The following CAPN6 variants were observed in gnomAD, a reference collection of about 807,000 sequenced individuals.
CAPN6 encodes calpain 6, also known as calpain-6.
In CAPN6, 16 loss-of-function variants were observed where a neutral mutation model predicts 46.0. The ratio of observed to expected loss-of-function variants is 0.35; its 90% CI spans 0.24 to 0.53. CAPN6 has a LOEUF of 0.53. Among genes scored for constraint, CAPN6 ranks in the 20% least tolerant of loss-of-function variants. The pLI is 0.94. For synonymous variants in CAPN6, 206 were observed against 172.8 expected (o/e 1.19, Z -1.51); for missense variants, 461 against 498.0 (o/e 0.93, Z 0.71).
rs1023858527 is a variant in CAPN6 at position 111,248,579 on chromosome X, C to G, written c.1474G>C (p.Val492Leu). ...CGAAGGAAACTGAACCTGAGCTGGACAGGCACTTCAGAGAAGATTCTCAGG... is the reference window on the plus strand; with the variant it reads ...CGAAGGAAACTGAACCTGAGCTGGAGAGGCACTTCAGAGAAGATTCTCAGG... ...FLLRIFSEVP[V>L]QLRELTLDMP... Residue 492 changes from valine (V) to leucine (L), a missense_variant, in exon 10 of 13, where the codon GTC becomes CTC. Transcript: ENST00000324068. 1.9e-5 allele frequency: 23 copies of G among 1,204,575 alleles called. 1 individual carries two copies. The Admixed American group carries it at 3.9e-4, about 21-fold the overall frequency.
intron 2 of CAPN6, among the ~76,000 whole-genome samples, chrX:111,255,933 C>A (rs2094983368): frequency 2.7e-5 from 3 of 111,598 alleles, no homozygotes. Flanking sequence ...TTATGGGCTG[C>A]AAACTGCCTT....
chrX:111,251,093 C>A lies in CAPN6; in HGVS notation c.982G>T (p.Glu328Ter). 7 of 1,210,605 alleles carry A rather than the reference C, an allele frequency of 5.8e-6. No homozygotes were observed. Among genetic ancestry groups the A allele is most frequent in the Non-Finnish European group, 7.8e-6 (7 of 895,173 alleles). ...TTGTGAAAGTTGCGGCAAAAGTCCTCCAAGCTCATCCTGAATGGAAGGAGC... is the reference window on the plus strand; with the variant it reads ...TTGTGAAAGTTGCGGCAAAAGTCCTACAAGCTCATCCTGAATGGAAGGAGC... Reference protein sequence around the residue: ...SDDGEFWMSLEDFCRNFHKLN... With the variant: ...SDDGEFWMSL The change falls in exon 8 of 13, where the codon GAG becomes TAG. Residue 328 changes from glutamate (E) to a stop codon, truncating the protein, a stop_gained. Transcript: ENST00000324068. LOFTEE classifies it high-confidence loss of function.
intron 1 of CAPN6, among the ~76,000 whole-genome samples, chrX:111,269,106 T>C (rs1157757224): frequency 2.7e-5 from 3 of 112,064 alleles, no homozygotes. Context: ...CAAAGGGACT[T>C]TTTCTGCTTT....
At chrX:111,260,419 C>T (rs1404304792) in intron 2 of CAPN6, among the ~76,000 whole-genome samples, 3 of 113,022 alleles carry the variant, frequency 2.7e-5, no homozygotes, top group Admixed American at 9.3e-5. Context: ...TCAGGTTAAT[C>T]GTGTTGCTTC....
intron 6 of CAPN6, 117 bp from the exon 7 acceptor site, chrX:111,251,403 A>C: frequency 3.2e-6 from 3 of 930,575 alleles, no homozygotes; most frequent in Non-Finnish European, 4.5e-6. Context: ...GCTTTATTTC[A>C]TCTGCGGCTG....
intron 6 of CAPN6, 89 bp from the exon 7 acceptor site, chrX:111,251,375 T>C (rs1405430385): frequency 1.0e-6 from 1 of 982,249 alleles, no homozygotes; most frequent in Non-Finnish European, 1.4e-6. Flanking sequence ...AGAAACAGAG[T>C]GCATGAGGAT....
At chrX:111,264,916 G>C (rs761519698) in intron 1 of CAPN6, among the ~76,000 whole-genome samples, 1 of 111,506 alleles carries the variant, frequency 9.0e-6, no homozygotes, top group Non-Finnish European at 1.9e-5. Flanking sequence ...GATTCACAAA[G>C]ATTTGTAATG....
chrX:111,261,033 A>G (rs1489594921), intron 2 of CAPN6, among the ~76,000 whole-genome samples: 1 of 112,334 alleles, frequency 8.9e-6, no homozygotes, highest in African/African-American at 3.2e-5. Context: ...TTAAGCAAAC[A>G]CCATGCTCTC....
At chrX:111,268,730 C>A (rs1052408722) in intron 1 of CAPN6, among the ~76,000 whole-genome samples, 4 of 112,659 alleles carry the variant, frequency 3.6e-5, no homozygotes, top group Non-Finnish European at 7.5e-5. Flanking sequence ...ACTTTTCCAG[C>A]CTTTCAAGAA....
Position 111,249,126 on chromosome X carries a change from G to A in CAPN6, c.1159-69C>T. On this transcript the variant is annotated intron_variant, in intron 8 of 12. Transcript: ENST00000324068. ...TTCATATGAACGAGCTTAAATTTCA[G>A]GGAATAAAGCTTGTCATTGGGAAGC... 13 of 1,117,186 alleles carry A rather than the reference G, an allele frequency of 1.2e-5. No individual in the cohort carries two copies. The South Asian group carries it at 2.3e-4, about 20-fold the overall frequency. The allele number at this position is 1,117,186 out of a possible 1,213,427, so 92.1% of individuals were successfully genotyped here.
rs2094979155 is a variant in CAPN6, at chrX:111,251,249, T to C, written c.931A>G (p.Lys311Glu). 1 of 1,206,705 alleles carries C rather than the reference T, an allele frequency of 8.3e-7. No homozygotes were observed. Among genetic ancestry groups the C allele is most frequent in the African/African-American group, 1.8e-5 (1 of 56,061 alleles). ...TCAGACATAACAAGCCCCAGGTTCTTGCGATCTGATGCAGTCAGTTGCTGC... is the reference window on the plus strand; with the variant it reads ...TCAGACATAACAAGCCCCAGGTTCTCGCGATCTGATGCAGTCAGTTGCTGC... ...EWQQLTASDR[K>E]NLGLVMSDDG... The change falls in exon 7 of 13, where the codon AAG becomes GAG. Residue 311 changes from lysine to glutamate, a missense_variant. Lys to Glu is a moderately conservative substitution (Grantham distance 56). Transcript: ENST00000324068.
chrX:111,261,301 C>A (rs960980197), intron 2 of CAPN6, among the ~76,000 whole-genome samples: 7 of 112,466 alleles, frequency 6.2e-5, no homozygotes, highest in Admixed American at 2.8e-4. Flanking sequence ...GACACAGTTT[C>A]TTTTTATATA....
In CAPN6 at chrX:111,247,114, G is replaced by A. The variant is rs17880134; in HGVS notation, c.1743+254C>T. On this transcript the variant is annotated intron_variant, in intron 12 of 12. Transcript: ENST00000324068. ...TTTCCTCCATGGGATTTTATGATAC[G>A]TGTGTTAACATGTGTACTGGTGAGC... Among the ~76,000 whole-genome samples the A allele has an allele frequency of 0.035, 3,922 of 111,490 alleles. 172 individuals carry two copies. Among genetic ancestry groups the A allele is most frequent in the African/African-American group, 0.12 (3,696 of 30,579 alleles).
intron 8 of CAPN6, 58 bp downstream of exon 8, chrX:111,250,859 A>C: frequency 4.7e-6 from 5 of 1,054,534 alleles, no homozygotes; most frequent in Non-Finnish European, 6.5e-6. Flanking sequence ...GACCAAAGCA[A>C]GATCTGAGTT....
intron 5 of CAPN6, 115 bp downstream of exon 5, chrX:111,252,192 G>T: frequency 1.8e-6 from 1 of 568,043 alleles, no homozygotes; most frequent in South Asian, 3.7e-5. Flanking sequence ...AGCTTTCCAA[G>T]TCCCATTAAT....
At chrX:111,256,363 C>T (rs753792194) in intron 2 of CAPN6, among the ~76,000 whole-genome samples, 3 of 111,061 alleles carry the variant, frequency 2.7e-5, no homozygotes, top group Non-Finnish European at 5.7e-5. Flanking sequence ...CACACCATTG[C>T]GCTCCAGCCT....
chrX:111,250,321 T>A (rs1404548897), intron 8 of CAPN6, among the ~76,000 whole-genome samples: 3 of 111,476 alleles, frequency 2.7e-5, no homozygotes, highest in African/African-American at 9.8e-5. Flanking sequence ...ATGTTTGGAT[T>A]TTTTACTCTG....
Position 111,247,902 on chromosome X carries a change from A to G in CAPN6, c.1575T>C (p.Ala525=). ...KVVTQITVHS[A]EDLEKKYANE... is the part of the protein sequence containing the mutation. ...TGGCATACTTCTTCTCCAGGTCCTC[A>G]GCACTGTGAACAGTGATCTGAGTAA... Residue 525 remains alanine (A), a synonymous_variant, in exon 11 of 13, where the codon GCT becomes GCC. Transcript: ENST00000324068. 2.5e-6 allele frequency: 3 copies of G among 1,211,086 alleles called. No homozygotes were observed. Among genetic ancestry groups the G allele is most frequent in the Non-Finnish European group, 3.4e-6 (3 of 894,685 alleles).
At chrX:111,246,818 C>T in intron 12 of CAPN6, 59 bp from the exon 13 acceptor site, 1 of 939,516 alleles carries the variant, frequency 1.1e-6, no homozygotes, top group Non-Finnish European at 1.5e-6. Flanking sequence ...TAGCCTTTGC[C>T]CAGTGACATC....
Sources: gnomAD v4.1 joint callset for allele counts (sites outside exome capture counted in the v4.1 genomes callset) on GRCh38, gnomAD v4.1.1 for gene constraint, MANE v1.5 for transcripts, NCBI Gene and HGNC (gene_info 2026-07-23, HGNC 2026-07-21) for gene names.